SERPIND1: variants seen among roughly 807,000 people sequenced by gnomAD.
SERPIND1 encodes heparin cofactor 2.
In SERPIND1, 34 loss-of-function variants were observed where a neutral mutation model predicts 35.0. The observed-to-expected ratio is 0.97, with a 90% CI of 0.74 to 1.29. The LOEUF is 1.29. SERPIND1 is among the 50% of genes most tolerant of loss of function. The pLI, the probability that SERPIND1 is intolerant of heterozygous loss-of-function variation, is 0.00. For synonymous variants in SERPIND1, 236 were observed against 241.1 expected (o/e 0.98, Z 0.19); for missense variants, 633 against 637.7 (o/e 0.99, Z 0.08).
rs761404668 is a variant in SERPIND1 at position 20,784,109 on chromosome 22, G to A, written c.1027G>A (p.Asp343Asn). The change falls in exon 3 of 5, where the codon GAC becomes AAC. Residue 343 changes from aspartate (D) to asparagine (N), a missense_variant. By Grantham distance (23) the Asp-to-Asn change is conservative. Transcript: ENST00000215727. The stretch of plus-strand genomic sequence containing the variant: ...AGCAAATGACCAGGAGCTGGACTGC[G>A]ACATCCTCCAGCTGGAATACGTGGG... ...LAANDQELDC[D>N]ILQLEYVGGI... 3.7e-6 allele frequency: 6 copies of A among 1,614,158 alleles called. No homozygotes were observed. The highest frequency in any genetic ancestry group is 1.1e-5 in the South Asian group (1 of 91,084).
In SERPIND1 at chr22:20,787,545, G is replaced by A. The variant is rs774771019; in HGVS notation, c.*479G>A. ...ATGTCCAGGGAAGAAGCCACCTCAA[G>A]ACATATGAGGGGTGCCCTGGGCTAA... On this transcript the variant is annotated 3_prime_UTR_variant, in exon 5 of 5. Coordinates refer to ENST00000215727, the MANE Select transcript of SERPIND1 (RefSeq NM_000185.4). 6 of 217,390 alleles carry A rather than the reference G, an allele frequency of 2.8e-5. No homozygotes were observed. The highest frequency in any genetic ancestry group is 4.7e-5 in the Non-Finnish European group (5 of 107,318). The allele number at this position is 217,390 out of a possible 1,614,324, so 13.5% of individuals were successfully genotyped here.
chr22:20,780,077 C>A lies in SERPIND1; in HGVS notation c.765C>A (p.Asp255Glu). 1 of 1,614,120 alleles carries A rather than the reference C, an allele frequency of 6.2e-7. No individual in the cohort carries two copies. The highest frequency in any genetic ancestry group is 8.5e-7 in the Non-Finnish European group (1 of 1,180,032). The change falls in exon 2 of 5, where the codon GAC becomes GAA. Residue 255 changes from aspartate (D) to glutamate (E), a missense_variant. Asp to Glu is a conservative substitution (Grantham distance 45). Transcript: ENST00000215727. ...FAEAQIADFS[D>E]PAFISKTNNH... ...AGGCCCAGATAGCTGACTTCTCAGA[C>A]CCTGCCTTCATATCAAAAACCAACA...
At position 20,779,303 on chromosome 22, in the gene SERPIND1, C is replaced by T. The variant is rs762053133; in HGVS notation, c.-10C>T. 1.2e-6 allele frequency: 2 copies of T among 1,614,144 alleles called. No homozygotes were observed. Among genetic ancestry groups the T allele is most frequent in the South Asian group, 1.1e-5 (1 of 91,080 alleles). Reference sequence around the variant, plus strand: ...GTTCTGTTTTCCCTCCCAGCTTTAGCTCCGCCAAAATGAAACACTCATTAA... The same window carrying T: ...GTTCTGTTTTCCCTCCCAGCTTTAGTTCCGCCAAAATGAAACACTCATTAA... On this transcript the variant is annotated 5_prime_UTR_variant, in exon 2 of 5. Transcript: ENST00000215727.
chr22:20,783,621 A>C (rs946796475), intron 2 of SERPIND1, among the ~76,000 whole-genome samples: 4 of 152,060 alleles, frequency 2.6e-5, no homozygotes, highest in African/African-American at 9.7e-5. Context: ...GGTCTCAAAA[A>C]CCAAATAATA....
In SERPIND1 at chr22:20,787,179, T is replaced by A; in HGVS notation, c.*113T>A. On this transcript the variant is annotated 3_prime_UTR_variant, in exon 5 of 5. Transcript: ENST00000215727. ...ATTTACGTAGTTTACGCTACCAATC[T>A]GAATTCGAGGCCCATATGAGAGGAG... The A allele has an allele frequency of 1.0e-6, 1 of 975,962 alleles. No homozygotes were observed. Among genetic ancestry groups the A allele is most frequent in the Non-Finnish European group, 1.6e-6 (1 of 623,948 alleles). The allele number at this position is 975,962 out of a possible 1,614,324, so 60.5% of individuals were successfully genotyped here.
rs1290301082 is a variant in SERPIND1, at chr22:20,787,666, G to C, written c.*600G>C. On this transcript the variant is annotated 3_prime_UTR_variant, in exon 5 of 5. Transcript: ENST00000215727. ...TTGCCTCCCTGTGACCTGGAGGACA[G>C]TGTGTGCCATGTCTCCCATACTAGA... 6.1e-6 allele frequency: 1 copy of C among 163,346 alleles called. No homozygotes were observed. The highest frequency in any genetic ancestry group is 1.4e-5 in the Non-Finnish European group (1 of 73,712). The allele number at this position is 163,346 out of a possible 1,614,324, so 10.1% of individuals were successfully genotyped here. A position where few individuals can be genotyped will look rare whatever the true frequency, so the allele number is the denominator to read the frequency against.
Position 20,785,665 on chromosome 22 carries a change from T to C in SERPIND1, c.1164-339T>C, listed in dbSNP as rs550371498. 2.0e-5 allele frequency among the ~76,000 whole-genome samples: 3 copies of C among 151,440 alleles called. No homozygotes were observed. In the South Asian group the frequency reaches 6.3e-4, roughly 32 times the overall value. Reference sequence around the variant, plus strand: ...CCTTAATTACAAAAAAAAAACCAAATGCCTAAAATTGGGAAACCAAACCAG... The same window carrying C: ...CCTTAATTACAAAAAAAAAACCAAACGCCTAAAATTGGGAAACCAAACCAG... On this transcript the variant is annotated intron_variant, in intron 3 of 4. Coordinates refer to ENST00000215727, the MANE Select transcript of SERPIND1 (RefSeq NM_000185.4).
intron 1 of SERPIND1, among the ~76,000 whole-genome samples, chr22:20,777,471 G>C (rs940438568): frequency 6.6e-6 from 1 of 152,034 alleles, no homozygotes; most frequent in Non-Finnish European, 1.5e-5. Context: ...GCCCACCTCG[G>C]CCTCCCAAAG....
intron 4 of SERPIND1, 103 bp from the exon 5 acceptor site, chr22:20,786,772 T>G: frequency 8.6e-7 from 1 of 1,166,050 alleles, no homozygotes. Context: ...CCACCTTACA[T>G]GTTGTCTTTG....
intron 3 of SERPIND1, 23 bp from the exon 4 acceptor site, chr22:20,785,981 C>A: frequency 4.3e-6 from 7 of 1,614,000 alleles, no homozygotes; most frequent in Non-Finnish European, 5.9e-6. Flanking sequence ...TAAAACTGGG[C>A]CCCCCTTTCC....
intron 1 of SERPIND1, among the ~76,000 whole-genome samples, chr22:20,777,748 G>C (rs1034706429): frequency 6.6e-6 from 1 of 152,168 alleles, no homozygotes; most frequent in Non-Finnish European, 1.5e-5. Flanking sequence ...GCAAAACATG[G>C]AATCATCAAA....
intron 1 of SERPIND1, among the ~76,000 whole-genome samples, chr22:20,778,530 T>TACA (rs762656623): frequency 3.0e-4 from 45 of 151,894 alleles, no homozygotes; most frequent in African/African-American, 9.9e-4. Flanking sequence ...AAAAGCCAAT[T>TACA]ACAACAACAA....
intron 1 of SERPIND1, among the ~76,000 whole-genome samples, chr22:20,775,462 C>G (rs1235609473): frequency 2.6e-5 from 4 of 152,198 alleles, no homozygotes; most frequent in African/African-American, 9.7e-5. Context: ...AATGTGGGAA[C>G]AGGGTATAAG....
chr22:20,780,286 T>G lies in SERPIND1; in HGVS notation c.889+85T>G, dbSNP rs368576793. ...GTAGATTGAATGCCAAGAACTGTAC[T>G]GTAGCTATAATTTATCCAGGAAAAC... is the stretch of plus-strand genomic sequence containing the variant. On this transcript the variant is annotated intron_variant, in intron 2 of 4. Coordinates refer to ENST00000215727, the MANE Select transcript of SERPIND1 (RefSeq NM_000185.4). 7.6e-4 allele frequency: 1,208 copies of G among 1,587,284 alleles called. 18 individuals are homozygous for G. The South Asian group carries it at 0.013, about 17-fold the overall frequency.
intron 1 of SERPIND1, among the ~76,000 whole-genome samples, chr22:20,778,917 T>C (rs1344398546): frequency 6.6e-6 from 1 of 152,184 alleles, no homozygotes; most frequent in Non-Finnish European, 1.5e-5. Context: ...GACTGGTCCA[T>C]GAGCCCCTGG....
rs77506892 is a variant in SERPIND1 at position 20,781,033 on chromosome 22, C to T, written c.889+832C>T. Among the ~76,000 whole-genome samples the T allele has an allele frequency of 6.5e-3, 989 of 152,228 alleles. 13 individuals carry two copies. The highest frequency in any genetic ancestry group is 0.023 in the African/African-American group (941 of 41,532). ...ATTCAGCTTGAGCAGCTGACATTGACACCTACAAGTGCTTTTCAGGATACT... is the reference window on the plus strand; with the variant it reads ...ATTCAGCTTGAGCAGCTGACATTGATACCTACAAGTGCTTTTCAGGATACT... On this transcript the variant is annotated intron_variant, in intron 2 of 4. Coordinates refer to ENST00000215727, the MANE Select transcript of SERPIND1 (RefSeq NM_000185.4).
At chr22:20,783,871 A>T (rs1209022915) in intron 2 of SERPIND1, 101 bp from the exon 3 acceptor site, 1 of 1,514,580 alleles carries the variant, frequency 6.6e-7, no homozygotes, top group Non-Finnish European at 9.2e-7. Context: ...TCTGCAGGCT[A>T]TCTGAATGAG....
Position 20,779,287 on chromosome 22 carries a change from T to A in SERPIND1, c.-16-10T>A. On this transcript the variant is annotated splice_polypyrimidine_tract_variant and intron_variant, in intron 1 of 4. Coordinates refer to ENST00000215727, the MANE Select transcript of SERPIND1 (RefSeq NM_000185.4). ...GGCCGCCTTTCACTGTGTTCTGTTTTCCCTCCCAGCTTTAGCTCCGCCAAA... is the reference window on the plus strand; with the variant it reads ...GGCCGCCTTTCACTGTGTTCTGTTTACCCTCCCAGCTTTAGCTCCGCCAAA... The A allele has an allele frequency of 6.2e-7, 1 of 1,613,864 alleles. No individual in the cohort carries two copies. Among genetic ancestry groups the A allele is most frequent in the Non-Finnish European group, 8.5e-7 (1 of 1,180,034 alleles).
At chr22:20,776,193 C>T (rs915694672) in intron 1 of SERPIND1, among the ~76,000 whole-genome samples, 2 of 152,096 alleles carry the variant, frequency 1.3e-5, no homozygotes, top group African/African-American at 4.8e-5. Flanking sequence ...TTTGGTGGCA[C>T]ACACCTGTGG....
Sources: allele counts gnomAD v4.1 joint callset (sites outside exome capture counted in the v4.1 genomes callset), GRCh38; gene constraint gnomAD v4.1.1; transcripts MANE v1.5; gene names NCBI Gene and HGNC (gene_info 2026-07-23, HGNC 2026-07-21).